The following ABI1 variants were observed in gnomAD, a reference collection of about 807,000 sequenced individuals.
ABI1 encodes abl interactor 1.
A neutral mutation model predicts 54.6 loss-of-function variants in ABI1; 14 were observed. The ratio of observed to expected loss-of-function variants is 0.26; its 90% CI spans 0.17 to 0.40. ABI1 has a LOEUF of 0.40. Among genes scored for constraint, ABI1 ranks in the 10% least tolerant of loss-of-function variants. ABI1 has a pLI of 1.00. For missense variants in ABI1, 443 were observed against 598.3 expected (o/e 0.74, Z 2.71); for synonymous variants, 194 against 209.3 (o/e 0.93, Z 0.63).
At chr10:26,796,714 A>G (rs1844217805) in intron 2 of ABI1, among the ~76,000 whole-genome samples, 1 of 152,238 alleles carries the variant, frequency 6.6e-6, no homozygotes, top group Non-Finnish European at 1.5e-5. Context: ...TATCTGCTTC[A>G]CTATAGTAAC....
chr10:26,834,880 A>G (rs2048939407), intron 1 of ABI1, among the ~76,000 whole-genome samples: 1 of 152,120 alleles, frequency 6.6e-6, no homozygotes, highest in South Asian at 2.1e-4. Flanking sequence ...AGGCGGGCAA[A>G]TCACTTGAGG....
intron 7 of ABI1, among the ~76,000 whole-genome samples, chr10:26,762,924 C>T (rs530221278): frequency 2.0e-5 from 3 of 152,302 alleles, no homozygotes; most frequent in Admixed American, 2.0e-4. Context: ...TAAACTCCCA[C>T]CAGCAATTTG....
intron 1 of ABI1, among the ~76,000 whole-genome samples, chr10:26,849,517 T>C (rs1368674034): frequency 1.3e-5 from 2 of 152,222 alleles, no homozygotes; most frequent in African/African-American, 4.8e-5. Flanking sequence ...TTGTGCAGTT[T>C]ATTTGCAAGC....
intron 1 of ABI1, among the ~76,000 whole-genome samples, chr10:26,829,595 A>C (rs1431483414): frequency 6.6e-6 from 1 of 152,202 alleles, no homozygotes; most frequent in Non-Finnish European, 1.5e-5. Flanking sequence ...TTTATATGTC[A>C]ATTTTAATAA....
Position 26,751,611 on chromosome 10 carries a change from A to G in ABI1, c.1257T>C (p.Asn419=), listed in dbSNP as rs1837644536. 6.2e-7 allele frequency: 1 copy of G among 1,612,256 alleles called. No individual in the cohort carries two copies. Among genetic ancestry groups the G allele is most frequent in the South Asian group, 1.1e-5 (1 of 90,596 alleles). Residue 419 remains asparagine (N), a synonymous_variant, in exon 10 of 11, where the codon AAT becomes AAC. Coordinates refer to ENST00000376140, the MANE Select transcript of ABI1 (RefSeq NM_001012750.3). ...ADGDPAWAPK[N]YIEKVVAIYD... ...ACTGTACCTTACCTTTCTCAATATAATTCTTGGGGGCCCAAGCAGGATCCC... is the reference window on the plus strand; with the variant it reads ...ACTGTACCTTACCTTTCTCAATATAGTTCTTGGGGGCCCAAGCAGGATCCC...
chr10:26,788,397 G>C (rs1017776925), intron 2 of ABI1, among the ~76,000 whole-genome samples: 2 of 152,106 alleles, frequency 1.3e-5, no homozygotes, highest in African/African-American at 4.8e-5. Flanking sequence ...ATACAAAAAA[G>C]TACTAAAAAA....
intron 1 of ABI1, among the ~76,000 whole-genome samples, chr10:26,823,664 C>T (rs2048126401): frequency 6.6e-6 from 1 of 152,208 alleles, no homozygotes; most frequent in African/African-American, 2.4e-5. Flanking sequence ...AATCCACTTA[C>T]AATGAAATGG....
intron 1 of ABI1, among the ~76,000 whole-genome samples, chr10:26,827,596 G>GCT (rs767882985): frequency 7.2e-6 from 1 of 138,070 alleles, no homozygotes; most frequent in Non-Finnish European, 1.5e-5. Flanking sequence ...TCTGTTTTTT[G>GCT]TTTTTTTTTT....
At chr10:26,775,168 A>G (rs1175215013) in intron 3 of ABI1, among the ~76,000 whole-genome samples, 1 of 152,166 alleles carries the variant, frequency 6.6e-6, no homozygotes, top group Non-Finnish European at 1.5e-5. Flanking sequence ...AATGCTCTGG[A>G]AATATTTAAG....
intron 2 of ABI1, among the ~76,000 whole-genome samples, chr10:26,813,450 A>T (rs2047367414): frequency 6.6e-6 from 1 of 152,186 alleles, no homozygotes; most frequent in Admixed American, 6.5e-5. Flanking sequence ...ACAGGTGGGG[A>T]TGTATTATCA....
At chr10:26,823,372 A>G in intron 1 of ABI1, 67 bp from the exon 2 acceptor site, 1 of 1,217,170 alleles carries the variant, frequency 8.2e-7, no homozygotes. Flanking sequence ...TATTCTATAG[A>G]AAGGCAAAGT....
chr10:26,834,792 C>A (rs773912661), intron 1 of ABI1, among the ~76,000 whole-genome samples: 11 of 151,434 alleles, frequency 7.3e-5, no homozygotes, highest in African/African-American at 2.7e-4. Flanking sequence ...CATAGTGAAA[C>A]CCTGTCTCTA....
rs1224353116 is a variant in ABI1, at chr10:26,777,128, A to G, written c.399T>C (p.Pro133=). The G allele has an allele frequency of 1.9e-6, 3 of 1,613,826 alleles. No homozygotes were observed. Among genetic ancestry groups the G allele is most frequent in the Non-Finnish European group, 2.5e-6 (3 of 1,179,930 alleles). ...CGATAGGTTTCCGAATATACCTTAC[A>G]GGGCGCTCCATATTCGCAGGTGCTA... is the stretch of plus-strand genomic sequence containing the variant. ...KIIAPANMER[P]VRYIRKPIDY... Residue 133 remains proline (P), a synonymous_variant, in exon 3 of 11, where the codon CCT becomes CCC. Coordinates refer to ENST00000376140, the MANE Select transcript of ABI1 (RefSeq NM_001012750.3).
intron 1 of ABI1, among the ~76,000 whole-genome samples, chr10:26,854,777 T>C (rs895956954): frequency 8.5e-5 from 13 of 152,234 alleles, no homozygotes; most frequent in East Asian, 7.7e-4. Flanking sequence ...CTGGTTTGTA[T>C]AGAAATCACA....
At position 26,801,103 on chromosome 10, in the gene ABI1, GA is replaced by G. The variant is rs142761223; in HGVS notation, c.285+22034del. Reference sequence around the variant, plus strand: ...AGGAGACATGACATTTAATGTTTCTGAACTGGATCCTTTCCTATGAAACTAC... The same window carrying G: ...AGGAGACATGACATTTAATGTTTCTGACTGGATCCTTTCCTATGAAACTAC... On this transcript the variant is annotated intron_variant, in intron 2 of 10. Transcript: ENST00000376140. Among the ~76,000 whole-genome samples, 505 of 152,300 alleles carry G rather than the reference GA, an allele frequency of 3.3e-3. 10 individuals are homozygous for G. The East Asian group carries it at 0.033, about 10-fold the overall frequency.
chr10:26,842,005 C>T (rs1356628248), intron 1 of ABI1, among the ~76,000 whole-genome samples: 1 of 152,104 alleles, frequency 6.6e-6, no homozygotes, highest in Non-Finnish European at 1.5e-5. Flanking sequence ...TAGCAACCTC[C>T]ATACTATTTT....
intron 1 of ABI1, among the ~76,000 whole-genome samples, chr10:26,851,891 A>T (rs2050421014): frequency 6.6e-6 from 1 of 152,222 alleles, no homozygotes; most frequent in Non-Finnish European, 1.5e-5. Context: ...AAATTAAAAT[A>T]GTTTGTGGTA....
chr10:26,814,374 C>G (rs190327933), intron 2 of ABI1, among the ~76,000 whole-genome samples: 2 of 152,292 alleles, frequency 1.3e-5, no homozygotes, highest in East Asian at 3.9e-4. Context: ...ACCAAATGAT[C>G]TCATGTCCCT....
intron 1 of ABI1, among the ~76,000 whole-genome samples, chr10:26,835,009 A>T (rs2048949921): frequency 6.7e-6 from 1 of 148,772 alleles, no homozygotes; most frequent in African/African-American, 2.5e-5. Flanking sequence ...AGGCTGAGGC[A>T]TGACAATCAC....
Sources: gnomAD v4.1 joint callset for allele counts (sites outside exome capture counted in the v4.1 genomes callset) on GRCh38, gnomAD v4.1.1 for gene constraint, MANE v1.5 for transcripts, NCBI Gene and HGNC (gene_info 2026-07-23, HGNC 2026-07-21) for gene names.